Variants in ZNF600 observed in about 807,000 individuals in gnomAD.
ZNF600 encodes zinc finger protein KR-ZNF1.
Under a neutral mutation model 7.3 loss-of-function variants are expected in ZNF600, and 4 were observed. That is an observed-to-expected ratio of 0.55 (90% CI 0.27 to 1.25). ZNF600 has a LOEUF of 1.25. ZNF600 is among the 50% of genes most tolerant of loss of function. The pLI is 0.12. For missense variants in ZNF600, 911 were observed against 922.1 expected, an observed-to-expected ratio of 0.99 and a Z score of 0.16; for synonymous variants, 290 against 308.9, an observed-to-expected ratio of 0.94 and a Z score of 0.64.
chr19:52,798,656 CT>C, the ZNF600 span: 1 of 436,548 alleles, frequency 2.3e-6, no homozygotes, highest in South Asian at 1.8e-5. Context: ...TGAAACTTGA[CT>C]GAAGACCTTG....
At chr19:52,814,904 T>A in the ZNF600 span, among the ~76,000 whole-genome samples, 1 of 145,712 alleles carries the variant, frequency 6.9e-6, no homozygotes, top group Non-Finnish European at 1.5e-5. Context: ...AATAAATATA[T>A]GAAAACAGAA....
chr19:52,765,587 T>C (rs761726586), exon 4 of ZNF600: 1 of 1,613,578 alleles, frequency 6.2e-7, no homozygotes, highest in East Asian at 2.2e-5. Flanking sequence ...AATCATTACA[T>C]TAGTCAAGTT....
the ZNF600 span, among the ~76,000 whole-genome samples, chr19:52,826,353 C>G: frequency 6.6e-6 from 1 of 152,154 alleles, no homozygotes; most frequent in African/African-American, 2.4e-5. Context: ...GATGGATCAC[C>G]TGAGTTCAGA....
the ZNF600 span, chr19:52,801,449 T>C: frequency 6.2e-7 from 1 of 1,614,224 alleles, no homozygotes; most frequent in Non-Finnish European, 8.5e-7. Flanking sequence ...TATGCTTGTT[T>C]CCAGCATGCC....
At chr19:52,819,358 C>G in the ZNF600 span, among the ~76,000 whole-genome samples, 1 of 145,436 alleles carries the variant, frequency 6.9e-6, no homozygotes, top group Non-Finnish European at 1.5e-5. Context: ...AAGATGGTCT[C>G]TCTTTCTGAG....
chr19:52,766,533 T>A (rs1226470550), exon 4 of ZNF600: 4 of 1,614,056 alleles, frequency 2.5e-6, no homozygotes, highest in African/African-American at 1.3e-5. Flanking sequence ...TCCTCCACTA[T>A]GAATTCTAGT....
At chr19:52,785,229 A>T (rs1600403319) in intron 1 of ZNF600, among the ~76,000 whole-genome samples, 1 of 145,884 alleles carries the variant, frequency 6.9e-6, no homozygotes, top group African/African-American at 2.5e-5. Flanking sequence ...CTCCATTCTC[A>T]CAGCTTATTT....
the ZNF600 span, chr19:52,810,777 AC>A: frequency 1.0e-5 from 5 of 499,254 alleles, no homozygotes; most frequent in African/African-American, 2.9e-5. Flanking sequence ...ATAAAAAAAA[AC>A]CCAAAAAAAA....
At chr19:52,774,058 C>T (rs1223904195) in intron 3 of ZNF600, among the ~76,000 whole-genome samples, 1 of 151,992 alleles carries the variant, frequency 6.6e-6, no homozygotes, top group African/African-American at 2.4e-5. Flanking sequence ...GAAACCAACC[C>T]AGATGTCCAT....
At chr19:52,806,813 C>T in the ZNF600 span, among the ~76,000 whole-genome samples, 15 of 152,088 alleles carry the variant, frequency 9.9e-5, no homozygotes, top group African/African-American at 3.6e-4. Context: ...GGGGCATAAG[C>T]ATCCTTTGAG....
the ZNF600 span, among the ~76,000 whole-genome samples, chr19:52,795,128 C>A: frequency 3.3e-5 from 5 of 152,092 alleles, no homozygotes; most frequent in Non-Finnish European, 7.4e-5. Flanking sequence ...GTCAATCCAG[C>A]CCATCCTTCA....
At chr19:52,808,260 T>G in the ZNF600 span, 3 of 1,501,994 alleles carry the variant, frequency 2.0e-6, no homozygotes, top group Non-Finnish European at 1.8e-6. Flanking sequence ...AGTGACGGAT[T>G]TTTCACCACA....
chr19:52,768,012 C>CAT (rs1025404780), intron 3 of ZNF600, among the ~76,000 whole-genome samples: 11 of 151,994 alleles, frequency 7.2e-5, no homozygotes, highest in African/African-American at 2.7e-4. Flanking sequence ...AGGGCACAAA[C>CAT]GTGTAAGCCT....
chr19:52,826,317 T>C, the ZNF600 span, among the ~76,000 whole-genome samples: 1 of 152,168 alleles, frequency 6.6e-6, no homozygotes, highest in African/African-American at 2.4e-5. Context: ...ATGCTTGTAA[T>C]CCCAGCATTT....
At chr19:52,825,542 C>T in the ZNF600 span, among the ~76,000 whole-genome samples, 1 of 151,508 alleles carries the variant, frequency 6.6e-6, no homozygotes, top group African/African-American at 2.4e-5. Flanking sequence ...AGCATGATGG[C>T]ACATACCTGT....
exon 4 of ZNF600, chr19:52,767,766 G>A: frequency 1.9e-6 from 3 of 1,561,722 alleles, no homozygotes; most frequent in Non-Finnish European, 2.6e-6. Flanking sequence ...GCGTTTGGAA[G>A]AGATATCTAC....
At chr19:52,825,850 T>C in the ZNF600 span, among the ~76,000 whole-genome samples, 3 of 152,084 alleles carry the variant, frequency 2.0e-5, no homozygotes, top group African/African-American at 7.2e-5. Flanking sequence ...TATCCAGGCA[T>C]AGTGGCACAC....
the ZNF600 span, among the ~76,000 whole-genome samples, chr19:52,793,764 C>CCACA: frequency 2.3e-3 from 313 of 138,822 alleles, 1 homozygote; most frequent in Middle Eastern, 0.011. Flanking sequence ...CCAAACTCTG[C>CCACA]CACACACACA....
At chr19:52,817,104 G>A in the ZNF600 span, among the ~76,000 whole-genome samples, 2 of 152,118 alleles carry the variant, frequency 1.3e-5, no homozygotes, top group African/African-American at 4.8e-5. Context: ...CAGGAACGGT[G>A]GCTCACGCTT....
Sources: gnomAD v4.1 joint callset for allele counts (sites outside exome capture counted in the v4.1 genomes callset) on GRCh38, gnomAD v4.1.1 for gene constraint, MANE v1.5 for transcripts, NCBI Gene and HGNC (gene_info 2026-07-23, HGNC 2026-07-21) for gene names.